Variants in ACVR1 observed in about 807,000 individuals in gnomAD.
ACVR1 encodes activin A receptor type 1.
In ACVR1, 38 loss-of-function variants were observed where a neutral mutation model predicts 57.1. That is an observed-to-expected ratio of 0.67 (90% CI 0.51 to 0.87). ACVR1 has a LOEUF of 0.87. ACVR1 is among the 40% of genes least tolerant of loss of function. The pLI is 0.00. For synonymous variants in ACVR1, 212 were observed against 228.1 expected, an observed-to-expected ratio of 0.93 and a Z score of 0.63; for missense variants, 463 against 638.2, an observed-to-expected ratio of 0.73 and a Z score of 2.96.
intron 3 of ACVR1, among the ~76,000 whole-genome samples, chr2:157,795,421 CACACACAA>C (rs780567658): frequency 6.1e-5 from 7 of 115,010 alleles, no homozygotes; most frequent in African/African-American, 8.6e-5. Flanking sequence ...CACACACACA[CACACACAA>C]ACACAATAGG....
chr2:157,806,212 A>G (rs1687540292), intron 2 of ACVR1, among the ~76,000 whole-genome samples: 2 of 152,126 alleles, frequency 1.3e-5, no homozygotes, highest in South Asian at 2.1e-4. Context: ...ACCTTTACTC[A>G]TGGTTATTTA....
chr2:157,774,050 T>C (rs181521006), intron 6 of ACVR1, 38 bp downstream of exon 6: 1 of 1,556,118 alleles, frequency 6.4e-7, no homozygotes, highest in East Asian at 2.2e-5. Context: ...AAACTAACAT[T>C]GCATATTACC....
At chr2:157,867,480 G>A (rs1433157678) in intron 1 of ACVR1, among the ~76,000 whole-genome samples, 1 of 152,170 alleles carries the variant, frequency 6.6e-6, no homozygotes, top group African/African-American at 2.4e-5. Flanking sequence ...GTGTCTGGGA[G>A]AAAACAGGAT....
chr2:157,858,539 T>C (rs1458952517), intron 1 of ACVR1, among the ~76,000 whole-genome samples: 1 of 152,182 alleles, frequency 6.6e-6, no homozygotes, highest in African/African-American at 2.4e-5. Context: ...TGGCGCAACC[T>C]TGGCTCACTG....
intron 3 of ACVR1, among the ~76,000 whole-genome samples, chr2:157,781,125 T>C (rs1329810751): frequency 6.6e-6 from 1 of 152,212 alleles, no homozygotes; most frequent in East Asian, 1.9e-4. Context: ...GGCAGAAATA[T>C]ACTACAAACT....
chr2:157,780,512 C>G lies in ACVR1; in HGVS notation c.156G>C (p.Gln52His), dbSNP rs1266976280. ...CGNEDHCEGQ[Q>H]CFSSLSINDG... ...CGTTGATGCTCAGTGAGGAAAAGCA[C>G]TGCTGGCCTTCACAGTGGTCCTCAT... Residue 52 changes from glutamine to histidine, a missense_variant, in exon 4 of 11, where the codon CAG (glutamine) becomes CAC (histidine). Coordinates refer to ENST00000434821, the MANE Select transcript of ACVR1 (RefSeq NM_001111067.4). 6.2e-7 allele frequency: 1 copy of G among 1,613,940 alleles called. No individual in the cohort carries two copies. The highest frequency in any genetic ancestry group is 8.5e-7 in the Non-Finnish European group (1 of 1,180,028).
intron 1 of ACVR1, among the ~76,000 whole-genome samples, chr2:157,854,444 C>T (rs1372673132): frequency 6.6e-6 from 1 of 152,112 alleles, no homozygotes; most frequent in Non-Finnish European, 1.5e-5. Flanking sequence ...GTGTATCGGC[C>T]GGGTGCAGTG....
At chr2:157,784,095 C>G (rs1010524835) in intron 3 of ACVR1, among the ~76,000 whole-genome samples, 1 of 152,158 alleles carries the variant, frequency 6.6e-6, no homozygotes, top group African/African-American at 2.4e-5. Context: ...CTAAGGAAGA[C>G]AGCGGGACTC....
intron 9 of ACVR1, among the ~76,000 whole-genome samples, chr2:157,741,762 G>A (rs1254950044): frequency 6.6e-6 from 1 of 152,054 alleles, no homozygotes; most frequent in Non-Finnish European, 1.5e-5. Context: ...CAGTGGGGAG[G>A]GACAGTGGCA....
At chr2:157,785,721 A>G (rs547618570) in intron 3 of ACVR1, among the ~76,000 whole-genome samples, 1 of 152,326 alleles carries the variant, frequency 6.6e-6, no homozygotes, top group African/African-American at 2.4e-5. Flanking sequence ...AATGTATTTC[A>G]GCAGTTATGG....
At chr2:157,829,454 T>G (rs1688506551) in intron 1 of ACVR1, among the ~76,000 whole-genome samples, 1 of 152,210 alleles carries the variant, frequency 6.6e-6, no homozygotes, top group African/African-American at 2.4e-5. Context: ...TAGTAAATTG[T>G]TCATTGAGTA....
At chr2:157,836,774 C>A (rs145515349) in intron 1 of ACVR1, among the ~76,000 whole-genome samples, 49 of 152,298 alleles carry the variant, frequency 3.2e-4, no homozygotes, top group African/African-American at 8.9e-4. Context: ...GAATGTCTCT[C>A]CTCCTCTGTG....
intron 2 of ACVR1, among the ~76,000 whole-genome samples, chr2:157,802,096 A>C (rs1687346312): frequency 6.6e-6 from 1 of 152,228 alleles, no homozygotes; most frequent in African/African-American, 2.4e-5. Context: ...AAACAACTTG[A>C]GACTTTCTGG....
chr2:157,827,340 A>G (rs1030797884), intron 1 of ACVR1, among the ~76,000 whole-genome samples: 1 of 152,234 alleles, frequency 6.6e-6, no homozygotes, highest in Non-Finnish European at 1.5e-5. Flanking sequence ...AAGCAAAAAA[A>G]CAAAAGAAAA....
intron 1 of ACVR1, among the ~76,000 whole-genome samples, chr2:157,847,248 A>G (rs1689152467): frequency 6.6e-6 from 1 of 152,192 alleles, no homozygotes; most frequent in African/African-American, 2.4e-5. Flanking sequence ...CAAAACTTCA[A>G]TTTCCTTTTA....
intron 9 of ACVR1, among the ~76,000 whole-genome samples, chr2:157,756,980 TATATATTTGAG>T (rs924504266): frequency 3.5e-5 from 5 of 143,210 alleles, no homozygotes; most frequent in African/African-American, 1.3e-4. Flanking sequence ...TATTTATATA[TATATATTTGAG>T]ATATATATAT....
intron 1 of ACVR1, among the ~76,000 whole-genome samples, chr2:157,840,375 G>C (rs554224407): frequency 9.2e-5 from 14 of 152,324 alleles, no homozygotes; most frequent in African/African-American, 2.9e-4. Context: ...TCCACCATTA[G>C]AGCATCCAGG....
chr2:157,844,269 G>A (rs763663331), intron 1 of ACVR1, among the ~76,000 whole-genome samples: 16 of 152,156 alleles, frequency 1.1e-4, no homozygotes, highest in Non-Finnish European at 1.9e-4. Context: ...CAAGAGCCCA[G>A]GTAAGACAAA....
intron 1 of ACVR1, among the ~76,000 whole-genome samples, chr2:157,852,730 T>C (rs763896895): frequency 4.3e-4 from 66 of 152,172 alleles, no homozygotes; most frequent in Admixed American, 5.9e-4. Context: ...CTCTAAATGG[T>C]ATTAATTCCC....
Sources: gnomAD v4.1 joint callset for allele counts (sites outside exome capture counted in the v4.1 genomes callset) on GRCh38, gnomAD v4.1.1 for gene constraint, MANE v1.5 for transcripts, NCBI Gene and HGNC (gene_info 2026-07-23, HGNC 2026-07-21) for gene names.